RBPMS: variants seen among roughly 807,000 people sequenced by gnomAD.
RBPMS encodes RNA binding protein, mRNA processing factor.
Under a neutral mutation model 26.8 loss-of-function variants are expected in RBPMS, and 7 were observed. The observed-to-expected ratio is 0.26, with a 90% confidence interval of 0.15 to 0.49. The LOEUF is 0.49. Among genes scored for constraint, RBPMS ranks in the 20% least tolerant of loss-of-function variants. The pLI is 0.98. For synonymous variants in RBPMS, 96 were observed against 93.3 expected (o/e 1.03, Z -0.17); for missense variants, 186 against 250.0 (o/e 0.74, Z 1.73).
chr8:30,511,486 AATATATATATATATATATAT>A (rs869100800), intron 5 of RBPMS, among the ~76,000 whole-genome samples: 1 of 23,552 alleles, frequency 4.2e-5, no homozygotes, highest in East Asian at 1.9e-3. Flanking sequence ...AAAAAAAAAA[AATATATATATATATATATAT>A]ATATATATAT....
chr8:30,460,520 T>A (rs1479038082), intron 1 of RBPMS, among the ~76,000 whole-genome samples: 1 of 150,740 alleles, frequency 6.6e-6, no homozygotes, highest in Admixed American at 6.6e-5. Context: ...CTTGACACTC[T>A]TAGTCTTTTT....
intron 1 of RBPMS, among the ~76,000 whole-genome samples, chr8:30,463,460 A>G (rs768711892): frequency 1.3e-4 from 20 of 152,236 alleles, no homozygotes; most frequent in Non-Finnish European, 1.8e-4. Flanking sequence ...GGACCACCCC[A>G]TCGGGTTAAA....
At chr8:30,504,264 CA>C in intron 4 of RBPMS, 21 bp from the exon 5 acceptor site, 1 of 1,613,508 alleles carries the variant, frequency 6.2e-7, no homozygotes, top group Non-Finnish European at 8.5e-7. Flanking sequence ...AAACATCTTC[CA>C]TTTGTTCTCT....
intron 1 of RBPMS, chr8:30,453,619 A>T (rs572746336): frequency 6.6e-6 from 1 of 152,316 alleles, no homozygotes; most frequent in African/African-American, 2.4e-5. Flanking sequence ...CTGCAGAAGT[A>T]CCTTATAAAA....
At chr8:30,516,903 T>TATACACACACACACACACACAC (rs1822371791) in intron 5 of RBPMS, among the ~76,000 whole-genome samples, 1 of 147,288 alleles carries the variant, frequency 6.8e-6, no homozygotes, top group African/African-American at 2.5e-5. Context: ...CATCTCTAAA[T>TATACACACACACACACACACAC]ACACACACAC....
At position 30,558,957 on chromosome 8, in the gene RBPMS, G is replaced by GT. The variant is rs747407988; in HGVS notation, c.*7+2dup. The GT allele has an allele frequency of 6.2e-6, 10 of 1,613,078 alleles. No homozygotes were observed. Among genetic ancestry groups the GT allele is most frequent in the Non-Finnish European group, 8.5e-6 (10 of 1,179,164 alleles). On this transcript the variant is annotated splice_donor_variant, in intron 7 of 8. Transcript: ENST00000397323. LOFTEE classifies it low-confidence loss of function (3UTR_SPLICE). ...TCCCGTCAGTTCTGCTGAATACTAT[G>GT]TAAGTACTCGCTTTCCTTTGGAATG...
chr8:30,552,118 A>G (rs1826432879), intron 6 of RBPMS, among the ~76,000 whole-genome samples: 1 of 152,184 alleles, frequency 6.6e-6, no homozygotes, highest in Admixed American at 6.5e-5. Context: ...TTGGTAAAGA[A>G]GAGAAACACC....
chr8:30,567,067 C>T (rs1827940528), intron 8 of RBPMS, among the ~76,000 whole-genome samples: 1 of 152,168 alleles, frequency 6.6e-6, no homozygotes, highest in African/African-American at 2.4e-5. Flanking sequence ...CTCTGGAAAG[C>T]CTGGCTTAGA....
At chr8:30,451,172 A>G (rs1814539369) in intron 1 of RBPMS, among the ~76,000 whole-genome samples, 2 of 152,284 alleles carry the variant, frequency 1.3e-5, no homozygotes, top group East Asian at 1.9e-4. Context: ...GTGGACTACA[A>G]CACATTTCAC....
chr8:30,463,202 A>G (rs370181346), intron 1 of RBPMS, among the ~76,000 whole-genome samples: 3 of 152,370 alleles, frequency 2.0e-5, no homozygotes, highest in African/African-American at 7.2e-5. Flanking sequence ...AAATCTATGC[A>G]CATTGCATGT....
intron 7 of RBPMS, among the ~76,000 whole-genome samples, chr8:30,560,545 T>C (rs1827374165): frequency 6.6e-6 from 1 of 152,216 alleles, no homozygotes; most frequent in Non-Finnish European, 1.5e-5. Context: ...TTGTATCTAC[T>C]CTTCCTCTAA....
At position 30,504,482 on chromosome 8, in the gene RBPMS, T is replaced by C. The variant is rs1450591197; in HGVS notation, c.397+46T>C. The C allele has an allele frequency of 2.5e-6, 4 of 1,585,248 alleles. No individual in the cohort carries two copies. In the African/African-American group the frequency reaches 4.0e-5, roughly 16 times the overall value. On this transcript the variant is annotated intron_variant, in intron 5 of 8. Coordinates refer to ENST00000397323, the MANE Select transcript of RBPMS (RefSeq NM_001008710.3). Reference sequence around the variant, plus strand: ...TTCAAAAGTAATAATAACTAAGAACTGTTCATGTGCTGCATGTGAGGTTAC... The same window carrying C: ...TTCAAAAGTAATAATAACTAAGAACCGTTCATGTGCTGCATGTGAGGTTAC...
At chr8:30,543,387 G>C (rs916130814) in intron 5 of RBPMS, among the ~76,000 whole-genome samples, 1 of 152,168 alleles carries the variant, frequency 6.6e-6, no homozygotes, top group Admixed American at 6.5e-5. Flanking sequence ...ACTGGGCCTG[G>C]AATGGCTCCT....
intron 2 of RBPMS, among the ~76,000 whole-genome samples, chr8:30,475,136 A>G (rs1817549100): frequency 6.6e-6 from 1 of 152,148 alleles, no homozygotes; most frequent in Non-Finnish European, 1.5e-5. Flanking sequence ...TGGAAATGTA[A>G]ATAGGTTTTT....
chr8:30,540,254 G>C (rs1396871713), intron 5 of RBPMS, among the ~76,000 whole-genome samples: 5 of 152,190 alleles, frequency 3.3e-5, no homozygotes, highest in Middle Eastern at 3.2e-3. Context: ...GGCAGGCATA[G>C]TCATGCAATG....
chr8:30,392,812 G>A (rs1212183369), intron 1 of RBPMS, among the ~76,000 whole-genome samples: 1 of 152,190 alleles, frequency 6.6e-6, no homozygotes, highest in Non-Finnish European at 1.5e-5. Context: ...AGAAAATAGA[G>A]ATGTGGAAAG....
chr8:30,547,312 G>C, intron 6 of RBPMS: 1 of 1,610,792 alleles, frequency 6.2e-7, no homozygotes. Flanking sequence ...CTGAGGCAAA[G>C]CCCAACACAC....
chr8:30,479,137 A>C (rs1211974685), intron 3 of RBPMS, among the ~76,000 whole-genome samples, 178 bp from the exon 4 acceptor site: 1 of 152,134 alleles, frequency 6.6e-6, no homozygotes, highest in Non-Finnish European at 1.5e-5. Flanking sequence ...CCTTTGATTC[A>C]TATTAGAAAT....
At position 30,419,450 on chromosome 8, in the gene RBPMS, A is replaced by ATGTGTG. The variant is rs71278690; in HGVS notation, c.66+34320_66+34325dup. ...GACAGAGTGAGATTGCATCTCAAAA[A>ATGTGTG]TGTGTGTGTGTGTGTGTGTGTGTGT... is the stretch of plus-strand genomic sequence containing the variant. On this transcript the variant is annotated intron_variant, in intron 1 of 8. Transcript: ENST00000397323. 7.6e-3 allele frequency among the ~76,000 whole-genome samples: 1,094 copies of ATGTGTG among 143,064 alleles called. 11 individuals carry two copies. Among genetic ancestry groups the ATGTGTG allele is most frequent in the East Asian group, 0.035 (166 of 4,794 alleles). 93.9% of individuals were successfully genotyped at this position (143,064 alleles called of 152,430 possible).
Sources: allele counts gnomAD v4.1 joint callset (sites outside exome capture counted in the v4.1 genomes callset), GRCh38; gene constraint gnomAD v4.1.1; transcripts MANE v1.5; gene names NCBI Gene and HGNC (gene_info 2026-07-23, HGNC 2026-07-21).